The following PCDHA5 variants were observed in gnomAD, a reference collection of about 807,000 sequenced individuals.
PCDHA5 encodes protocadherin alpha 5.
Under a neutral mutation model 61.6 loss-of-function variants are expected in PCDHA5, and 43 were observed. That is an observed-to-expected ratio of 0.70 (90% CI 0.55 to 0.90). The LOEUF (loss-of-function observed/expected upper bound fraction) is 0.90. PCDHA5 is among the 40% of genes least tolerant of loss of function. The pLI is 0.00. For synonymous variants in PCDHA5, 627 were observed against 543.9 expected (o/e 1.15, Z -2.13); for missense variants, 1,298 against 1,222.7 (o/e 1.06, Z -0.92).
At chr5:140,828,366 G>A (rs1554131260) in intron 1 of PCDHA5, 6 of 1,614,164 alleles carry the variant, frequency 3.7e-6, no homozygotes, top group African/African-American at 1.3e-5. Flanking sequence ...CGGATCGACC[G>A]CGAGGAGCTG....
At chr5:140,936,959 A>C (rs2091230080) in intron 1 of PCDHA5, among the ~76,000 whole-genome samples, 1 of 152,174 alleles carries the variant, frequency 6.6e-6, no homozygotes, top group Non-Finnish European at 1.5e-5. Flanking sequence ...TCTTTATTGA[A>C]TCTATAAAAA....
At chr5:140,836,672 C>G (rs2150267448) in intron 1 of PCDHA5, 2 of 1,613,274 alleles carry the variant, frequency 1.2e-6, no homozygotes, top group Non-Finnish European at 1.7e-6. Context: ...CTGGGGAGGG[C>G]CCACCCAAGA....
chr5:140,876,650 T>G lies in PCDHA5; in HGVS notation c.2352+52523T>G, dbSNP rs782068706. 4 of 1,614,162 alleles carry G rather than the reference T, an allele frequency of 2.5e-6. No individual in the cohort carries two copies. In the South Asian group the frequency reaches 4.4e-5, roughly 18 times the overall value. ...GTCATCTGCTCACTGACACCTCATG[T>G]TCCCTTCAAGCTGGTGTCCACCTAC... On this transcript the variant is annotated intron_variant, in intron 1 of 3. Transcript: ENST00000529859.
intron 3 of PCDHA5, among the ~76,000 whole-genome samples, chr5:140,983,419 A>G (rs1209385386): frequency 5.3e-5 from 8 of 152,210 alleles, no homozygotes; most frequent in Non-Finnish European, 1.2e-4. Flanking sequence ...GTGTTGGTAG[A>G]GACCACAAAT....
At chr5:141,005,488 G>A (rs138290389) in intron 3 of PCDHA5, among the ~76,000 whole-genome samples, 2,990 of 151,856 alleles carry the variant, frequency 0.02, 115 homozygotes, top group African/African-American at 0.068. Flanking sequence ...CGGATCATGA[G>A]GTCAGGAGAT....
chr5:140,869,439 G>A (rs1554163055), intron 1 of PCDHA5: 1 of 1,614,212 alleles, frequency 6.2e-7, no homozygotes. Flanking sequence ...TCGTGGACAG[G>A]CCGCTGCAGG....
chr5:140,881,743 A>C (rs964884426), intron 1 of PCDHA5, among the ~76,000 whole-genome samples: 4 of 152,182 alleles, frequency 2.6e-5, no homozygotes, highest in African/African-American at 9.7e-5. Flanking sequence ...CAGGAAGAGG[A>C]CAGTACCACA....
At position 140,850,278 on chromosome 5, in the gene PCDHA5, C is replaced by A. The variant is rs2150477296; in HGVS notation, c.2352+26151C>A. On this transcript the variant is annotated intron_variant, in intron 1 of 3. Transcript: ENST00000529859. ...CGCCGGCGTAGTGGTGGGGAAGGTG[C>A]GCGCAGTGGACGCCGACTCGGGCTA... is the stretch of plus-strand genomic sequence containing the variant. 5 of 1,595,340 alleles carry A rather than the reference C, an allele frequency of 3.1e-6. 1 individual carries two copies. Among genetic ancestry groups the A allele is most frequent in the South Asian group, 1.1e-5 (1 of 90,456 alleles).
intron 1 of PCDHA5, chr5:140,881,502 A>G: frequency 1.2e-5 from 3 of 249,864 alleles, no homozygotes; most frequent in Non-Finnish European, 1.9e-5. Context: ...ACATACACAC[A>G]CTCACATACA....
chr5:140,955,022 A>G (rs1468442096), intron 1 of PCDHA5, among the ~76,000 whole-genome samples: 2 of 152,182 alleles, frequency 1.3e-5, no homozygotes, highest in Non-Finnish European at 2.9e-5. Flanking sequence ...ACCATTTATT[A>G]AATAGGGAAT....
At chr5:140,985,386 T>A (rs2097149117) in intron 3 of PCDHA5, among the ~76,000 whole-genome samples, 1 of 152,170 alleles carries the variant, frequency 6.6e-6, no homozygotes, top group African/African-American at 2.4e-5. Context: ...TATAATCCAG[T>A]CACCCCAACT....
In PCDHA5 at chr5:140,871,116, C is replaced by A. The variant is rs200344692; in HGVS notation, c.2352+46989C>A. On this transcript the variant is annotated intron_variant, in intron 1 of 3. Transcript: ENST00000529859. The stretch of plus-strand genomic sequence containing the variant: ...CCGTGCTGGTGTCGTTGGTGGAGAG[C>A]GGACAGGCGCCAAAGGCCTCTTCCC... The A allele has an allele frequency of 4.3e-4, 686 of 1,613,264 alleles. 1 individual carries two copies. Among genetic ancestry groups the A allele is most frequent in the Middle Eastern group, 2.1e-3 (13 of 6,062 alleles).
rs1265852069 is a variant in PCDHA5 at position 140,837,275 on chromosome 5, CTT to C, written c.2352+13149_2352+13150del. The C allele has an allele frequency of 4.6e-5, 7 of 152,036 alleles. 1 individual carries two copies. The highest frequency in any genetic ancestry group is 1.7e-4 in the African/African-American group (7 of 41,340). 9.4% of individuals were successfully genotyped at this position (152,036 alleles called of 1,614,324 possible). ...TTTTATCATATTTGTGTAGCACTGA[CTT>C]CTTTTTAACTTACTTTGTTGAGATG... On this transcript the variant is annotated intron_variant, in intron 1 of 3. Coordinates refer to ENST00000529859, the MANE Select transcript of PCDHA5 (RefSeq NM_018908.3).
rs148596731 is a variant in PCDHA5 at position 141,000,361 on chromosome 5, GTCTCTCTCTCTC to G, written c.2501-9242_2501-9231del. Among the ~76,000 whole-genome samples, 60 of 26,440 alleles carry G rather than the reference GTCTCTCTCTCTC, an allele frequency of 2.3e-3. 1 individual carries two copies. Among genetic ancestry groups the G allele is most frequent in the Admixed American group, 5.8e-3 (10 of 1,730 alleles). The allele number at this position is 26,440 out of a possible 152,430, so 17.3% of individuals were successfully genotyped here. On this transcript the variant is annotated intron_variant, in intron 3 of 3. Transcript: ENST00000529859. ...CCTATCTCTCTCTCTGTCTCTCTCT[GTCTCTCTCTCTC>G]TCTCTCTCTCTCTCTCTCTCTCTAT...
intron 1 of PCDHA5, among the ~76,000 whole-genome samples, chr5:140,845,707 A>G (rs2150380649): frequency 6.7e-6 from 1 of 149,734 alleles, no homozygotes; most frequent in African/African-American, 2.4e-5. Context: ...TTGGCATTAT[A>G]TGTATGCATG....
Position 140,823,399 on chromosome 5 carries a change from C to T in PCDHA5, c.1624C>T (p.Pro542Ser). 1 of 1,612,960 alleles carries T rather than the reference C, an allele frequency of 6.2e-7. No individual in the cohort carries two copies. The highest frequency in any genetic ancestry group is 1.1e-5 in the South Asian group (1 of 91,040). ...GGTGAGCGCGCGCGACGCGGGCGTGCCGCCTCTGGGCAGCAACGTGACGCT... is the reference window on the plus strand; with the variant it reads ...GGTGAGCGCGCGCGACGCGGGCGTGTCGCCTCTGGGCAGCAACGTGACGCT... ...FQVSARDAGV[P>S]PLGSNVTLQV... The change falls in exon 1 of 4, where the codon CCG becomes TCG. Residue 542 changes from proline to serine, a missense_variant. Pro to Ser is a moderately conservative substitution (Grantham distance 74). Transcript: ENST00000529859.
At chr5:140,946,925 C>T (rs1431365562) in intron 1 of PCDHA5, among the ~76,000 whole-genome samples, 1 of 151,242 alleles carries the variant, frequency 6.6e-6, no homozygotes, top group South Asian at 2.1e-4. Context: ...TTTTATTGAA[C>T]AGTAGAGTGT....
chr5:140,824,272 A>G (rs2150133871), intron 1 of PCDHA5, 145 bp downstream of exon 1: 3 of 1,214,738 alleles, frequency 2.5e-6, no homozygotes, highest in African/African-American at 3.0e-5. Flanking sequence ...TTCATGTATT[A>G]TATGCTTTTT....
At chr5:140,885,738 C>T (rs1160742683) in intron 1 of PCDHA5, among the ~76,000 whole-genome samples, 5 of 151,978 alleles carry the variant, frequency 3.3e-5, no homozygotes, top group African/African-American at 1.2e-4. Flanking sequence ...TGATATTTCA[C>T]TGTTACTTTA....
Sources: allele counts gnomAD v4.1 joint callset (sites outside exome capture counted in the v4.1 genomes callset), GRCh38; gene constraint gnomAD v4.1.1; transcripts MANE v1.5; gene names NCBI Gene and HGNC (gene_info 2026-07-23, HGNC 2026-07-21).